Variants in KIFAP3 observed in about 807,000 individuals in gnomAD.
The protein encoded by KIFAP3 is kinesin associated protein 3, also known as kinesin-associated protein 3.
In KIFAP3, 68 loss-of-function variants were observed where a neutral mutation model predicts 106.5. The ratio of observed to expected loss-of-function variants is 0.64; its 90% CI spans 0.53 to 0.78. The LOEUF (loss-of-function observed/expected upper bound fraction) is 0.78, where lower values mean the gene tolerates loss of function less well. Among genes scored for constraint, KIFAP3 ranks in the 30% least tolerant of loss-of-function variants. The probability of loss-of-function intolerance (pLI) is 0.00; values close to 1 mark genes in which losing one functional copy is unlikely to be tolerated. For missense variants in KIFAP3, 780 were observed against 941.8 expected, an observed-to-expected ratio of 0.83 and a Z score of 2.25; for synonymous variants, 320 against 311.5, an observed-to-expected ratio of 1.03 and a Z score of -0.29.
intron 1 of KIFAP3, among the ~76,000 whole-genome samples, chr1:170,069,471 C>A (rs1347440610): frequency 1.3e-5 from 2 of 151,958 alleles, no homozygotes; most frequent in Admixed American, 1.3e-4. Flanking sequence ...TACTAGCAAA[C>A]AGAATACAGG....
intron 18 of KIFAP3, among the ~76,000 whole-genome samples, chr1:169,956,365 C>A (rs1400286199): frequency 1.3e-5 from 2 of 151,950 alleles, no homozygotes; most frequent in Non-Finnish European, 2.9e-5. Flanking sequence ...AAAATCTGAC[C>A]AAATTCTCAA....
At chr1:169,967,257 C>T (rs1665676778) in intron 17 of KIFAP3, among the ~76,000 whole-genome samples, 1 of 151,782 alleles carries the variant, frequency 6.6e-6, no homozygotes, top group African/African-American at 2.4e-5. Flanking sequence ...CAGTACTTTC[C>T]CAAAATAAAA....
Position 170,055,227 on chromosome 1 carries a change from G to A in KIFAP3, c.164+78C>T, listed in dbSNP as rs941933202. 1.4e-5 allele frequency: 19 copies of A among 1,319,772 alleles called. No homozygotes were observed. In the African/African-American group the frequency reaches 2.7e-4, roughly 19 times the overall value. The allele number at this position is 1,319,772 out of a possible 1,614,324, so 81.8% of individuals were successfully genotyped here. ...AATGCCATAATTAATCACCTATGCTGATCAAAATAATATCAGATTTGTATA... is the reference window on the plus strand; with the variant it reads ...AATGCCATAATTAATCACCTATGCTAATCAAAATAATATCAGATTTGTATA... On this transcript the variant is annotated intron_variant, in intron 2 of 19. Transcript: ENST00000361580.
Position 170,074,679 on chromosome 1 carries a change from C to A in KIFAP3, c.-212G>T. The A allele has an allele frequency of 7.0e-7, 1 of 1,425,240 alleles. No homozygotes were observed. Among genetic ancestry groups the A allele is most frequent in the Admixed American group, 2.8e-5 (1 of 35,620 alleles). The allele number at this position is 1,425,240 out of a possible 1,614,324, so 88.3% of individuals were successfully genotyped here. A position where few individuals can be genotyped will look rare whatever the true frequency, so the allele number is the denominator to read the frequency against. On this transcript the variant is annotated 5_prime_UTR_variant, in exon 1 of 20. Coordinates refer to ENST00000361580, the MANE Select transcript of KIFAP3 (RefSeq NM_014970.4). ...CCCCAAAACACTGGAGCGGCCCAGA[C>A]CCGCCCAGAGTCGCCTAAGCCGGGC...
At chr1:170,020,116 T>C (rs1355222323) in intron 9 of KIFAP3, among the ~76,000 whole-genome samples, 1 of 152,144 alleles carries the variant, frequency 6.6e-6, no homozygotes, top group Non-Finnish European at 1.5e-5. Context: ...ACAAAATACA[T>C]ATGCTAAACT....
intron 10 of KIFAP3, among the ~76,000 whole-genome samples, chr1:169,996,687 A>G (rs556894293): frequency 6.6e-6 from 1 of 152,274 alleles, no homozygotes; most frequent in African/African-American, 2.4e-5. Context: ...TGAAATCAAT[A>G]ATGCCAAATA....
intron 3 of KIFAP3, among the ~76,000 whole-genome samples, chr1:170,045,267 C>T (rs1224174993): frequency 6.6e-6 from 1 of 152,070 alleles, no homozygotes; most frequent in Non-Finnish European, 1.5e-5. Flanking sequence ...AAAAATGTTA[C>T]TTTCAACAGA....
chr1:169,969,635 A>G (rs1315851367), intron 17 of KIFAP3, among the ~76,000 whole-genome samples: 1 of 152,044 alleles, frequency 6.6e-6, no homozygotes, highest in Non-Finnish European at 1.5e-5. Context: ...AGTGACACGA[A>G]CCTATGTCAC....
intron 19 of KIFAP3, among the ~76,000 whole-genome samples, chr1:169,930,890 G>A (rs1468526517): frequency 1.3e-5 from 2 of 148,868 alleles, no homozygotes; most frequent in Non-Finnish European, 3.0e-5. Context: ...CTTGCTGGAA[G>A]TCCTTTTCAT....
chr1:170,067,792 G>C (rs1671518980), intron 1 of KIFAP3: 1 of 152,256 alleles, frequency 6.6e-6, no homozygotes, highest in African/African-American at 2.4e-5. Flanking sequence ...AGTAATAGCT[G>C]GGTCAAACAA....
At chr1:169,965,980 C>T (rs998591243) in intron 17 of KIFAP3, among the ~76,000 whole-genome samples, 1 of 151,866 alleles carries the variant, frequency 6.6e-6, no homozygotes, top group Non-Finnish European at 1.5e-5. Context: ...TTCACCTTCT[C>T]TCTTTTATCA....
At chr1:169,982,346 T>C (rs1187686340) in intron 14 of KIFAP3, among the ~76,000 whole-genome samples, 1 of 151,992 alleles carries the variant, frequency 6.6e-6, no homozygotes, top group Non-Finnish European at 1.5e-5. Context: ...AATGACAACA[T>C]AGACACAGAA....
chr1:169,952,669 G>A (rs1054231715), intron 19 of KIFAP3, among the ~76,000 whole-genome samples: 1 of 152,054 alleles, frequency 6.6e-6, no homozygotes, highest in African/African-American at 2.4e-5. Flanking sequence ...TCAAATTGTT[G>A]CTCCATCATC....
chr1:170,045,844 T>C (rs995513281), intron 3 of KIFAP3, among the ~76,000 whole-genome samples: 1 of 152,174 alleles, frequency 6.6e-6, no homozygotes, highest in Non-Finnish European at 1.5e-5. Context: ...TAAAGTCACA[T>C]AGCACTACAT....
intron 1 of KIFAP3, among the ~76,000 whole-genome samples, chr1:170,061,091 C>T (rs1445883387): frequency 6.6e-6 from 1 of 152,216 alleles, no homozygotes; most frequent in East Asian, 1.9e-4. Context: ...CCATTCAGGA[C>T]TCAGGCATGG....
chr1:169,986,282 C>G (rs1278834439), intron 11 of KIFAP3, among the ~76,000 whole-genome samples: 1 of 151,682 alleles, frequency 6.6e-6, no homozygotes, highest in African/African-American at 2.4e-5. Flanking sequence ...CAATGAACAG[C>G]TGAAAACCAA....
chr1:170,071,724 CA>C (rs919726963), intron 1 of KIFAP3, among the ~76,000 whole-genome samples: 5 of 152,172 alleles, frequency 3.3e-5, no homozygotes, highest in Admixed American at 2.0e-4. Context: ...ATGAGGGATC[CA>C]CCCCCAAAAC....
chr1:170,020,832 T>A (rs901645963), intron 9 of KIFAP3, among the ~76,000 whole-genome samples: 4 of 152,180 alleles, frequency 2.6e-5, no homozygotes, highest in African/African-American at 9.7e-5. Flanking sequence ...TCTTGTACCA[T>A]ATACAAAATT....
chr1:170,047,843 G>A (rs1670341927), intron 2 of KIFAP3, among the ~76,000 whole-genome samples: 1 of 152,068 alleles, frequency 6.6e-6, no homozygotes, highest in Non-Finnish European at 1.5e-5. Flanking sequence ...CGGATTCAGG[G>A]TACCAGGAAG....
Sources: gnomAD v4.1 joint callset for allele counts (sites outside exome capture counted in the v4.1 genomes callset) on GRCh38, gnomAD v4.1.1 for gene constraint, MANE v1.5 for transcripts, NCBI Gene and HGNC (gene_info 2026-07-23, HGNC 2026-07-21) for gene names.